CLVS1: variants seen among roughly 807,000 people sequenced by gnomAD.
The protein encoded by CLVS1 is clavesin 1.
In CLVS1, 10 loss-of-function variants were observed where a neutral mutation model predicts 33.1. The observed-to-expected ratio is 0.30, with a 90% CI of 0.19 to 0.51. The LOEUF (loss-of-function observed/expected upper bound fraction) is 0.51. Ranked by LOEUF, CLVS1 falls within the 20% of genes least tolerant of loss-of-function variation. The pLI is 0.97. For synonymous variants in CLVS1, 163 were observed against 166.1 expected (o/e 0.98, Z 0.14); for missense variants, 343 against 433.4 (o/e 0.79, Z 1.85).
chr8:61,310,819 C>T lies in CLVS1; in HGVS notation c.455+10537C>T, dbSNP rs77639201. Among the ~76,000 whole-genome samples, 805 of 152,264 alleles carry T rather than the reference C, an allele frequency of 5.3e-3. 8 individuals are homozygous for T. Among genetic ancestry groups the T allele is most frequent in the African/African-American group, 0.018 (754 of 41,536 alleles). ...CTAATCTAAGCCTGATTTAAGATAG[C>T]GATTGAAGGCATCATTTCTGCCTTG... On this transcript the variant is annotated intron_variant, in intron 2 of 5. Transcript: ENST00000325897.
intron 5 of CLVS1, among the ~76,000 whole-genome samples, chr8:61,483,570 G>T (rs1003204297): frequency 2.0e-5 from 3 of 152,158 alleles, no homozygotes; most frequent in African/African-American, 7.2e-5. Context: ...GAAACAGAGG[G>T]AATATTTCCT....
At chr8:61,318,556 T>C (rs972738107) in intron 2 of CLVS1, among the ~76,000 whole-genome samples, 1 of 152,208 alleles carries the variant, frequency 6.6e-6, no homozygotes, top group African/African-American at 2.4e-5. Context: ...CTTTATTGCC[T>C]CCCTTTTATT....
the CLVS1 span, among the ~76,000 whole-genome samples, chr8:61,021,551 G>A: frequency 4.0e-5 from 6 of 150,588 alleles, 1 homozygote; most frequent in South Asian, 1.1e-3. Flanking sequence ...TAGTAGAGAC[G>A]GGGTTTCACC....
chr8:61,396,172 G>C (rs1814521433), intron 3 of CLVS1, among the ~76,000 whole-genome samples: 1 of 152,144 alleles, frequency 6.6e-6, no homozygotes, highest in Non-Finnish European at 1.5e-5. Context: ...TTGTTTGCCA[G>C]AGGACAAAAC....
chr8:61,399,870 G>A (rs1814680602), intron 3 of CLVS1, among the ~76,000 whole-genome samples: 1 of 152,084 alleles, frequency 6.6e-6, no homozygotes. Context: ...TTTCTGGGAT[G>A]TCTATTATGT....
At chr8:61,046,323 C>G in the CLVS1 span, among the ~76,000 whole-genome samples, 13,335 of 127,326 alleles carry the variant, frequency 0.1, 1,118 homozygotes, top group African/African-American at 0.22. Context: ...ATTTCTGAGG[C>G]CTCTGTTCTG....
the CLVS1 span, among the ~76,000 whole-genome samples, chr8:61,043,854 G>C: frequency 6.6e-6 from 1 of 152,192 alleles, no homozygotes; most frequent in Non-Finnish European, 1.5e-5. Context: ...GAAGGTTATA[G>C]GTGGTCCAGG....
chr8:61,182,958 A>G (rs1807269216), intron 2 of CLVS1, among the ~76,000 whole-genome samples: 1 of 152,218 alleles, frequency 6.6e-6, no homozygotes, highest in Non-Finnish European at 1.5e-5. Context: ...ACGAAATACA[A>G]TGCAGTCATA....
chr8:61,210,251 A>T (rs1426577906), intron 2 of CLVS1, among the ~76,000 whole-genome samples: 1 of 152,190 alleles, frequency 6.6e-6, no homozygotes, highest in Non-Finnish European at 1.5e-5. Context: ...GGTAGAAAGG[A>T]GTACTCTCCT....
At chr8:61,454,515 T>A (rs1336434103) in intron 4 of CLVS1, among the ~76,000 whole-genome samples, 1 of 152,222 alleles carries the variant, frequency 6.6e-6, no homozygotes, top group Non-Finnish European at 1.5e-5. Flanking sequence ...AAATACCAGA[T>A]GCCCATGTTA....
chr8:61,070,507 T>C (rs1489178032), intron 1 of CLVS1, among the ~76,000 whole-genome samples: 1 of 152,240 alleles, frequency 6.6e-6, no homozygotes, highest in African/African-American at 2.4e-5. Context: ...TTTCCCATCT[T>C]CCACCCCTCT....
At chr8:60,969,986 G>C in the CLVS1 span, among the ~76,000 whole-genome samples, 1 of 151,960 alleles carries the variant, frequency 6.6e-6, no homozygotes, top group Non-Finnish European at 1.5e-5. Flanking sequence ...TATTTGAGGG[G>C]GTCCTGGAAC....
chr8:61,317,921 A>G (rs1181068663), intron 2 of CLVS1, among the ~76,000 whole-genome samples: 1 of 152,132 alleles, frequency 6.6e-6, no homozygotes. Context: ...AAGCCTGTGC[A>G]AATTTATCAA....
the CLVS1 span, among the ~76,000 whole-genome samples, chr8:60,975,157 G>A: frequency 6.6e-6 from 1 of 152,266 alleles, no homozygotes; most frequent in Admixed American, 6.5e-5. Context: ...CATCATAGAT[G>A]AGAGAAAAAA....
intron 2 of CLVS1, among the ~76,000 whole-genome samples, chr8:61,255,262 C>T (rs527985828): frequency 6.6e-6 from 1 of 152,126 alleles, no homozygotes; most frequent in East Asian, 1.9e-4. Context: ...CTTGAGGTGG[C>T]CTGACTGAAT....
chr8:60,993,731 C>T, the CLVS1 span, among the ~76,000 whole-genome samples: 1 of 152,220 alleles, frequency 6.6e-6, no homozygotes, highest in Non-Finnish European at 1.5e-5. Flanking sequence ...TCTTACTGAC[C>T]TCCCCCATCA....
chr8:61,193,071 G>C (rs183713148), intron 2 of CLVS1, among the ~76,000 whole-genome samples: 11 of 152,220 alleles, frequency 7.2e-5, no homozygotes, highest in Admixed American at 7.2e-4. Flanking sequence ...ACATTCACAC[G>C]TATGTTTACT....
chr8:61,284,786 G>A (rs753282391), upstream of CLVS1, among the ~76,000 whole-genome samples: 5 of 152,158 alleles, frequency 3.3e-5, no homozygotes, highest in African/African-American at 4.8e-5. Context: ...AAATATTTAT[G>A]CCAAGAATAA....
At chr8:61,150,565 T>C (rs569033006) in intron 2 of CLVS1, among the ~76,000 whole-genome samples, 1 of 152,238 alleles carries the variant, frequency 6.6e-6, no homozygotes, top group East Asian at 1.9e-4. Flanking sequence ...GCAGACCATG[T>C]TGGGAGCTTG....
Sources: allele counts gnomAD v4.1 joint callset (sites outside exome capture counted in the v4.1 genomes callset), GRCh38; gene constraint gnomAD v4.1.1; transcripts MANE v1.5; gene names NCBI Gene and HGNC (gene_info 2026-07-23, HGNC 2026-07-21).